Variants in PIK3C2G observed in about 807,000 individuals in gnomAD.
PIK3C2G encodes the protein phosphatidylinositol 3-kinase C2 domain-containing subunit gamma.
PIK3C2G carries 168 observed loss-of-function variants against 181.1 expected under a neutral mutation model. The ratio of observed to expected loss-of-function variants is 0.93; its 90% CI spans 0.82 to 1.05. PIK3C2G has a LOEUF of 1.05. PIK3C2G is among the 50% of genes least tolerant of loss of function. The pLI is 0.00. For synonymous variants in PIK3C2G, 573 were observed against 592.2 expected, an observed-to-expected ratio of 0.97 and a Z score of 0.47; for missense variants, 1,869 against 1,732.8, an observed-to-expected ratio of 1.08 and a Z score of -1.40.
intron 20 of PIK3C2G, among the ~76,000 whole-genome samples, chr12:18,493,878 CT>C (rs1291631628): frequency 6.6e-6 from 1 of 152,162 alleles, no homozygotes; most frequent in Non-Finnish European, 1.5e-5. Context: ...CCTCCCACCC[CT>C]ACCCACAAAC....
At chr12:18,263,745 C>T (rs1034474420) in intron 1 of PIK3C2G, among the ~76,000 whole-genome samples, 2 of 152,012 alleles carry the variant, frequency 1.3e-5, no homozygotes, top group African/African-American at 4.8e-5. Context: ...GCCTGTGATA[C>T]CTTTTTCGTC....
At chr12:18,272,175 T>G (rs1948771468) in intron 1 of PIK3C2G, among the ~76,000 whole-genome samples, 1 of 152,200 alleles carries the variant, frequency 6.6e-6, no homozygotes, top group South Asian at 2.1e-4. Context: ...TTTTAATTAA[T>G]GTATTCCTGC....
At chr12:18,608,104 T>C (rs1565557588) in intron 30 of PIK3C2G, among the ~76,000 whole-genome samples, 1 of 152,134 alleles carries the variant, frequency 6.6e-6, no homozygotes. Flanking sequence ...TTTTACACTG[T>C]TGGTGGGCTA....
chr12:18,402,061 AAAC>A (rs1432836799), intron 16 of PIK3C2G, among the ~76,000 whole-genome samples: 1 of 152,182 alleles, frequency 6.6e-6, no homozygotes, highest in African/African-American at 2.4e-5. Flanking sequence ...GCCCACTCAA[AAAC>A]TCATGCACGC....
At chr12:18,404,323 C>CA (rs1944405122) in intron 16 of PIK3C2G, among the ~76,000 whole-genome samples, 4 of 151,930 alleles carry the variant, frequency 2.6e-5, no homozygotes, top group African/African-American at 9.7e-5. Context: ...ATTTATTGAA[C>CA]AAAAATATGT....
Position 18,338,499 on chromosome 12 carries a change from T to A in PIK3C2G, c.1346T>A (p.Ile449Asn). 1 of 1,589,896 alleles carries A rather than the reference T, an allele frequency of 6.3e-7. No individual in the cohort carries two copies. Among genetic ancestry groups the A allele is most frequent in the Non-Finnish European group, 8.6e-7 (1 of 1,158,372 alleles). ...SVLGCVETKQITDAVNELSLI... is the reference protein window; with the variant it reads ...SVLGCVETKQNTDAVNELSLI... ...CTAGGGTGTGTGGAAACCAAACAAA[T>A]TACAGATGCAGTAAATGAACTAAGT... The change falls in exon 9 of 33, where the codon ATT becomes AAT. Residue 449 changes from isoleucine to asparagine, a missense_variant. By Grantham distance (149) the Ile-to-Asn change is moderately radical. Transcript: ENST00000538779.
chr12:18,384,752 C>T (rs979939180), intron 14 of PIK3C2G, among the ~76,000 whole-genome samples: 10 of 152,102 alleles, frequency 6.6e-5, no homozygotes, highest in Non-Finnish European at 1.2e-4. Context: ...AGATCTGGAT[C>T]CATAATAGAA....
chr12:18,531,887 G>A (rs1943574057), intron 24 of PIK3C2G, among the ~76,000 whole-genome samples: 2 of 152,128 alleles, frequency 1.3e-5, no homozygotes, highest in Non-Finnish European at 2.9e-5. Context: ...TGAGGTAAAT[G>A]TCCAAAAGTA....
upstream of PIK3C2G, among the ~76,000 whole-genome samples, chr12:18,245,009 G>A (rs1461643262): frequency 6.6e-6 from 1 of 152,042 alleles, no homozygotes; most frequent in African/African-American, 2.4e-5. Context: ...CTGTAAAGAT[G>A]TATTTTTATT....
At position 18,503,345 on chromosome 12, in the gene PIK3C2G, A is replaced by G. The variant is rs1213903624; in HGVS notation, c.3081A>G (p.Ile1027Met). The change falls in exon 23 of 33, where the codon ATA (isoleucine) becomes ATG (methionine). Residue 1027 changes from isoleucine to methionine, a missense_variant. By Grantham distance (10) the Ile-to-Met change is conservative. Coordinates refer to ENST00000538779, the MANE Select transcript of PIK3C2G (RefSeq NM_001288772.2). ...AGATTCATCGCCATTCTGGACTGAT[A>G]GGACCATTGAAAGAAAATACAATTA... ...LAKIHRHSGL[I>M]GPLKENTIKK... The G allele has an allele frequency of 6.2e-7, 1 of 1,610,998 alleles. No homozygotes were observed. Among genetic ancestry groups the G allele is most frequent in the Non-Finnish European group, 8.5e-7 (1 of 1,177,460 alleles).
At chr12:18,494,278 A>G (rs889213421) in intron 20 of PIK3C2G, among the ~76,000 whole-genome samples, 4 of 152,182 alleles carry the variant, frequency 2.6e-5, no homozygotes, top group African/African-American at 7.2e-5. Flanking sequence ...TTGCTAATCT[A>G]TGGCCCTCAA....
the PIK3C2G span, among the ~76,000 whole-genome samples, chr12:18,662,024 A>G: frequency 6.6e-6 from 1 of 152,162 alleles, no homozygotes; most frequent in Non-Finnish European, 1.5e-5. Context: ...CTAACGCAGG[A>G]ACAGAAAACC....
chr12:18,511,254 T>A (rs1028059820), intron 24 of PIK3C2G, among the ~76,000 whole-genome samples: 7 of 152,170 alleles, frequency 4.6e-5, no homozygotes, highest in African/African-American at 1.7e-4. Context: ...TGTTTCCATA[T>A]CTTGGCTATT....
chr12:18,532,390 T>C (rs1472035231), intron 24 of PIK3C2G, among the ~76,000 whole-genome samples: 1 of 152,184 alleles, frequency 6.6e-6, no homozygotes, highest in African/African-American at 2.4e-5. Flanking sequence ...TTTAAAATTC[T>C]TTGCATAGCC....
chr12:18,683,158 T>TA, the PIK3C2G span: 4 of 1,236,008 alleles, frequency 3.2e-6, no homozygotes, highest in Non-Finnish European at 4.7e-6. Context: ...TCTTTATGTT[T>TA]AAAAAAGAAA....
chr12:18,715,149 A>C, the PIK3C2G span, among the ~76,000 whole-genome samples: 1 of 86,450 alleles, frequency 1.2e-5, no homozygotes, highest in Non-Finnish European at 2.4e-5. Flanking sequence ...GGACTGCCTA[A>C]AATATGAGAG....
At chr12:18,287,184 C>T (rs971386389) in intron 3 of PIK3C2G, among the ~76,000 whole-genome samples, 1 of 151,884 alleles carries the variant, frequency 6.6e-6, no homozygotes, top group Non-Finnish European at 1.5e-5. Context: ...TTTGGACATG[C>T]ACTTGTTTGT....
intron 18 of PIK3C2G, among the ~76,000 whole-genome samples, chr12:18,456,192 G>A (rs769866043): frequency 7.4e-4 from 112 of 152,140 alleles, no homozygotes; most frequent in Non-Finnish European, 1.4e-3. Context: ...TTGGACAAAT[G>A]TCCAAGGTCA....
At chr12:18,693,435 A>C in the PIK3C2G span, 4 of 1,605,070 alleles carry the variant, frequency 2.5e-6, no homozygotes, top group Admixed American at 1.7e-5. Flanking sequence ...AAAGCCTCCA[A>C]GGGGGTCATT....
Sources: gnomAD v4.1 joint callset for allele counts (sites outside exome capture counted in the v4.1 genomes callset) on GRCh38, gnomAD v4.1.1 for gene constraint, MANE v1.5 for transcripts, NCBI Gene and HGNC (gene_info 2026-07-23, HGNC 2026-07-21) for gene names.